SGCZ: variants seen among roughly 807,000 people sequenced by gnomAD.
SGCZ encodes zeta-sarcoglycan.
Under a neutral mutation model 41.3 loss-of-function variants are expected in SGCZ, and 40 were observed. The observed-to-expected ratio is 0.97, with a 90% CI of 0.75 to 1.26. SGCZ has a LOEUF of 1.26. SGCZ is among the 50% of genes most tolerant of loss of function. The pLI, the probability that SGCZ is intolerant of heterozygous loss-of-function variation, is 0.00. For synonymous variants in SGCZ, 206 were observed against 137.5 expected (o/e 1.50, Z -3.49); for missense variants, 552 against 369.8 (o/e 1.49, Z -4.04).
At chr8:14,145,613 G>A (rs1436159643) in intron 5 of SGCZ, among the ~76,000 whole-genome samples, 6 of 152,132 alleles carry the variant, frequency 3.9e-5, no homozygotes, top group African/African-American at 1.2e-4. Flanking sequence ...GACCAATCTT[G>A]GAGAACGGTC....
chr8:15,163,105 A>G (rs1361635156), intron 1 of SGCZ, among the ~76,000 whole-genome samples: 1 of 152,196 alleles, frequency 6.6e-6, no homozygotes, highest in Non-Finnish European at 1.5e-5. Context: ...TGTTATACAC[A>G]TGTGTTTGCA....
chr8:14,118,305 A>G (rs958518528), intron 5 of SGCZ, among the ~76,000 whole-genome samples: 2 of 152,070 alleles, frequency 1.3e-5, no homozygotes, highest in Non-Finnish European at 2.9e-5. Flanking sequence ...TTTGATTTGC[A>G]TTTCTCTAAT....
chr8:14,309,728 G>C, intron 3 of SGCZ: 12 of 1,604,428 alleles, frequency 7.5e-6, no homozygotes, highest in South Asian at 4.4e-5. Flanking sequence ...ATCGAGATTT[G>C]GGAGCTGAAC....
chr8:14,139,083 G>GA (rs1304943010), intron 5 of SGCZ, among the ~76,000 whole-genome samples: 1 of 152,158 alleles, frequency 6.6e-6, no homozygotes, highest in Non-Finnish European at 1.5e-5. Flanking sequence ...ACCTGCTCCT[G>GA]AATGACTACT....
chr8:14,980,293 A>C (rs1801618914), intron 1 of SGCZ, among the ~76,000 whole-genome samples: 2 of 152,220 alleles, frequency 1.3e-5, no homozygotes, highest in African/African-American at 4.8e-5. Flanking sequence ...GGTCCAGAGG[A>C]AGGCAGAGTA....
At chr8:15,153,596 T>TCTC (rs1184397590) in intron 1 of SGCZ, among the ~76,000 whole-genome samples, 1 of 152,072 alleles carries the variant, frequency 6.6e-6, no homozygotes, top group Non-Finnish European at 1.5e-5. Context: ...GCTTGGACTA[T>TCTC]CTCCTCGGTG....
chr8:14,602,744 G>A (rs1288539718), intron 1 of SGCZ, among the ~76,000 whole-genome samples: 1 of 151,938 alleles, frequency 6.6e-6, no homozygotes, highest in African/African-American at 2.4e-5. Flanking sequence ...TGTTATAACT[G>A]AGTATAATAT....
intron 1 of SGCZ, among the ~76,000 whole-genome samples, chr8:15,137,584 T>C (rs561984929): frequency 5.3e-5 from 8 of 152,294 alleles, no homozygotes; most frequent in Admixed American, 5.2e-4. Context: ...GTGTCCCAGA[T>C]GCTCCAGACT....
At chr8:14,739,972 T>C (rs1392200627) in intron 1 of SGCZ, among the ~76,000 whole-genome samples, 1 of 151,942 alleles carries the variant, frequency 6.6e-6, no homozygotes. Context: ...ATGGAAATGG[T>C]CTCCCTAGCT....
At chr8:15,170,241 AC>A (rs1195546542) in intron 1 of SGCZ, among the ~76,000 whole-genome samples, 1 of 152,146 alleles carries the variant, frequency 6.6e-6, no homozygotes, top group African/African-American at 2.4e-5. Context: ...GGCCACCTTG[AC>A]TTTCATACAT....
At chr8:14,128,818 T>C (rs1802945234) in intron 5 of SGCZ, among the ~76,000 whole-genome samples, 1 of 152,056 alleles carries the variant, frequency 6.6e-6, no homozygotes, top group South Asian at 2.1e-4. Context: ...AAGGTGATCA[T>C]CATAAATGTA....
intron 1 of SGCZ, among the ~76,000 whole-genome samples, chr8:14,843,715 G>T (rs1197051088): frequency 6.6e-6 from 1 of 152,072 alleles, no homozygotes; most frequent in African/African-American, 2.4e-5. Flanking sequence ...AAATGCTAAA[G>T]ATGAATAAAC....
chr8:14,206,010 C>T (rs564992661), intron 4 of SGCZ, among the ~76,000 whole-genome samples: 8 of 152,132 alleles, frequency 5.3e-5, no homozygotes, highest in Admixed American at 2.6e-4. Context: ...GATATTTAAA[C>T]TCGGTTCTCT....
chr8:14,534,098 C>G (rs1173606471), intron 2 of SGCZ, among the ~76,000 whole-genome samples: 1 of 151,912 alleles, frequency 6.6e-6, no homozygotes, highest in East Asian at 2.0e-4. Context: ...TAAAAAGGTC[C>G]CAATACATCC....
intron 2 of SGCZ, among the ~76,000 whole-genome samples, chr8:14,441,450 G>C (rs10099267): frequency 0.014 from 2,177 of 152,112 alleles, 55 homozygotes; most frequent in African/African-American, 0.048. Flanking sequence ...TGGCACGCAC[G>C]GGTAATCCCA....
chr8:14,666,565 T>A (rs1585166512), intron 1 of SGCZ, among the ~76,000 whole-genome samples: 1 of 152,074 alleles, frequency 6.6e-6, no homozygotes, highest in Non-Finnish European at 1.5e-5. Flanking sequence ...TTTGCCTGGC[T>A]TTTTTCTGTA....
intron 1 of SGCZ, among the ~76,000 whole-genome samples, chr8:14,565,579 A>G (rs1171955266): frequency 1.3e-5 from 2 of 152,134 alleles, no homozygotes; most frequent in Non-Finnish European, 2.9e-5. Context: ...TGTTCACAGC[A>G]GGGGAAGAAG....
intron 1 of SGCZ, among the ~76,000 whole-genome samples, chr8:15,147,929 G>C (rs1026124356): frequency 1.3e-5 from 2 of 152,160 alleles, no homozygotes; most frequent in African/African-American, 4.8e-5. Flanking sequence ...TGGTAGAATT[G>C]GGCTTGCTTT....
chr8:14,666,093 T>A (rs10503509), intron 1 of SGCZ, among the ~76,000 whole-genome samples: 29,216 of 152,030 alleles, frequency 0.19, 3,525 homozygotes, highest in East Asian at 0.44. Flanking sequence ...AGATTTTAAG[T>A]CTTTTCTCTG....
Sources: allele counts gnomAD v4.1 joint callset (sites outside exome capture counted in the v4.1 genomes callset), GRCh38; gene constraint gnomAD v4.1.1; transcripts MANE v1.5; gene names NCBI Gene and HGNC (gene_info 2026-07-23, HGNC 2026-07-21).